MAP3K7CL: variants seen among roughly 807,000 people sequenced by gnomAD.
MAP3K7CL encodes the protein MAP3K7 C-terminal-like protein.
MAP3K7CL carries 16 observed loss-of-function variants against 18.6 expected under a neutral mutation model. That is an observed-to-expected ratio of 0.86 (90% confidence interval 0.58 to 1.31). MAP3K7CL has a LOEUF of 1.31. MAP3K7CL is among the 50% of genes most tolerant of loss of function. The pLI is 0.00. For synonymous variants in MAP3K7CL, 65 were observed against 66.8 expected (o/e 0.97, Z 0.13); for missense variants, 163 against 174.4 (o/e 0.93, Z 0.37).
Position 29,174,980 on chromosome 21 carries a change from A to G in MAP3K7CL, c.*88A>G. ...TTATTTTAAATGAATAGTGAGTCAGATCTATTGCTTCTCTGTATTACCCAC... is the reference window on the plus strand; with the variant it reads ...TTATTTTAAATGAATAGTGAGTCAGGTCTATTGCTTCTCTGTATTACCCAC... On this transcript the variant is annotated 3_prime_UTR_variant, in exon 5 of 5. Transcript: ENST00000399928. 7.7e-7 allele frequency: 1 copy of G among 1,297,774 alleles called. No individual in the cohort carries two copies. The highest frequency in any genetic ancestry group is 1.5e-5 in the South Asian group (1 of 67,344). The allele number at this position is 1,297,774 out of a possible 1,614,324, so 80.4% of individuals were successfully genotyped here.
At chr21:29,081,562 A>AG (rs2085836063), upstream of MAP3K7CL, among the ~76,000 whole-genome samples, 2 of 152,362 alleles carry the variant, frequency 1.3e-5, no homozygotes, top group East Asian at 3.9e-4. Context: ...CAAAAAAAAA[A>AG]AAATTGTTTA....
intron 3 of MAP3K7CL, among the ~76,000 whole-genome samples, chr21:29,158,900 T>C: frequency 6.6e-6 from 1 of 150,946 alleles, no homozygotes; most frequent in Non-Finnish European, 1.5e-5. Context: ...TCTTAACTAG[T>C]ATTCCTAAAA....
At chr21:29,110,126 A>C (rs1167866329) in intron 4 of MAP3K7CL, among the ~76,000 whole-genome samples, 1 of 152,112 alleles carries the variant, frequency 6.6e-6, no homozygotes, top group Admixed American at 6.5e-5. Context: ...TTCTTTTACT[A>C]TCTTCCATTA....
At chr21:29,163,068 G>A (rs867088997) in intron 4 of MAP3K7CL, among the ~76,000 whole-genome samples, 7 of 152,244 alleles carry the variant, frequency 4.6e-5, no homozygotes, top group Non-Finnish European at 7.4e-5. Flanking sequence ...CCAAGATCAC[G>A]CCACTGCATT....
upstream of MAP3K7CL, among the ~76,000 whole-genome samples, chr21:29,083,986 T>G (rs2085881996): frequency 6.8e-6 from 1 of 147,842 alleles, no homozygotes; most frequent in Non-Finnish European, 1.5e-5. Flanking sequence ...ATATAACATA[T>G]GTATACACAC....
chr21:29,126,011 T>C (rs2086675080), upstream of MAP3K7CL, among the ~76,000 whole-genome samples: 1 of 152,264 alleles, frequency 6.6e-6, no homozygotes, highest in Non-Finnish European at 1.5e-5. Flanking sequence ...TTTGGGACTT[T>C]TGCTTTACTA....
chr21:29,168,697 A>C (rs555067579), intron 4 of MAP3K7CL, among the ~76,000 whole-genome samples: 1 of 152,344 alleles, frequency 6.6e-6, no homozygotes, highest in Admixed American at 6.5e-5. Context: ...CTAGTGTTCC[A>C]TTATTGGAAC....
chr21:29,166,177 A>G (rs1413519775), intron 4 of MAP3K7CL, among the ~76,000 whole-genome samples: 3 of 151,676 alleles, frequency 2.0e-5, no homozygotes, highest in Non-Finnish European at 2.9e-5. Context: ...ACCCTCCCCA[A>G]CCTCTGGTAA....
chr21:29,120,790 G>T (rs1053894072), intron 4 of MAP3K7CL, among the ~76,000 whole-genome samples: 1 of 150,542 alleles, frequency 6.6e-6, no homozygotes, highest in Non-Finnish European at 1.5e-5. Flanking sequence ...AATAGGCTGG[G>T]CATGGTGGCT....
intron 4 of MAP3K7CL, among the ~76,000 whole-genome samples, chr21:29,098,755 A>G (rs1257619492): frequency 5.3e-5 from 8 of 151,866 alleles, no homozygotes; most frequent in Non-Finnish European, 1.2e-4. Flanking sequence ...TAAGCTTTCT[A>G]CTAGACTACC....
At chr21:29,078,802 C>T (rs949400412) in intron 1 of MAP3K7CL, among the ~76,000 whole-genome samples, 8 of 152,288 alleles carry the variant, frequency 5.3e-5, no homozygotes, top group Admixed American at 2.0e-4. Flanking sequence ...AGGGGAGACT[C>T]GGCCTACGAC....
At chr21:29,158,787 G>T (rs901743073) in intron 3 of MAP3K7CL, among the ~76,000 whole-genome samples, 3 of 151,654 alleles carry the variant, frequency 2.0e-5, no homozygotes, top group African/African-American at 7.3e-5. Context: ...CCATTGTGAA[G>T]AAAGGATAAG....
chr21:29,100,000 G>A (rs2086195369), intron 4 of MAP3K7CL, among the ~76,000 whole-genome samples: 1 of 151,204 alleles, frequency 6.6e-6, no homozygotes, highest in Non-Finnish European at 1.5e-5. Context: ...GGAGAATGGC[G>A]TGAACCTGGG....
intron 4 of MAP3K7CL, among the ~76,000 whole-genome samples, chr21:29,171,705 G>A (rs2087831907): frequency 6.6e-6 from 1 of 151,012 alleles, no homozygotes; most frequent in African/African-American, 2.4e-5. Context: ...TACTCGCGAG[G>A]CTGAGGCAGG....
intron 2 of MAP3K7CL, among the ~76,000 whole-genome samples, chr21:29,142,713 G>A (rs936492746): frequency 1.3e-5 from 2 of 152,160 alleles, no homozygotes; most frequent in African/African-American, 4.8e-5. Flanking sequence ...GTTATTACTG[G>A]TTATTTCCTA....
At chr21:29,142,184 C>G (rs1431915830) in intron 2 of MAP3K7CL, among the ~76,000 whole-genome samples, 2 of 152,154 alleles carry the variant, frequency 1.3e-5, no homozygotes, top group African/African-American at 4.8e-5. Flanking sequence ...CCTGCCCCAG[C>G]CTCCCAAGTA....
chr21:29,115,213 T>C (rs2086485583), intron 4 of MAP3K7CL, among the ~76,000 whole-genome samples: 1 of 152,110 alleles, frequency 6.6e-6, no homozygotes, highest in South Asian at 2.1e-4. Flanking sequence ...AGGATCAGAG[T>C]CTGAAATAGC....
Position 29,113,556 on chromosome 21 carries a change from C to T in MAP3K7CL, c.370+20975C>T, listed in dbSNP as rs555423200. ...GCAACCTCTGCCTCCTGGGCTCAAG[C>T]AATTCTTGTGCCAGGCTGGAGTGCA... On this transcript the variant is annotated intron_variant, in intron 4 of 6. Transcript: ENST00000286791. 4.4e-4 allele frequency among the ~76,000 whole-genome samples: 67 copies of T among 152,184 alleles called. No homozygotes were observed. The South Asian group carries it at 9.5e-3, about 22-fold the overall frequency.
chr21:29,156,399 A>G (rs893919030), intron 3 of MAP3K7CL, among the ~76,000 whole-genome samples: 4 of 152,242 alleles, frequency 2.6e-5, no homozygotes, highest in Non-Finnish European at 5.9e-5. Flanking sequence ...ACATAAACCC[A>G]CGTACAGCCA....
Sources: allele counts gnomAD v4.1 joint callset (sites outside exome capture counted in the v4.1 genomes callset), GRCh38; gene constraint gnomAD v4.1.1; transcripts MANE v1.5; gene names NCBI Gene and HGNC (gene_info 2026-07-23, HGNC 2026-07-21).